SUPT3H: variants seen among roughly 807,000 people sequenced by gnomAD.
SUPT3H encodes transcription initiation protein SPT3 homolog.
A neutral mutation model predicts 44.3 loss-of-function variants in SUPT3H; 44 were observed. The observed-to-expected ratio is 0.99, with a 90% CI of 0.78 to 1.28. The LOEUF (loss-of-function observed/expected upper bound fraction) is 1.28. SUPT3H is among the 50% of genes most tolerant of loss of function. SUPT3H has a pLI of 0.00. For missense variants in SUPT3H, 380 were observed against 387.1 expected (o/e 0.98, Z 0.15); for synonymous variants, 124 against 125.6 (o/e 0.99, Z 0.09).
At chr6:44,859,917 TTAAA>T (rs201437235) in intron 10 of SUPT3H, among the ~76,000 whole-genome samples, 2,712 of 152,294 alleles carry the variant, frequency 0.018, 50 homozygotes, top group South Asian at 0.092. Flanking sequence ...TTAAAGGACT[TTAAA>T]TAGCACATTG....
rs545712092 is a variant in SUPT3H, at chr6:45,067,383, C to T, written c.186+38539G>A. Among the ~76,000 whole-genome samples, 96 of 123,262 alleles carry T rather than the reference C, an allele frequency of 7.8e-4. 6 individuals carry two copies. Among genetic ancestry groups the T allele is most frequent in the African/African-American group, 2.2e-3 (81 of 36,550 alleles). The allele number at this position is 123,262 out of a possible 152,430, so 80.9% of individuals were successfully genotyped here. On this transcript the variant is annotated intron_variant, in intron 3 of 10. Transcript: ENST00000371459. ...CCCTAGAAGAAAACCTAGGCATTAC[C>T]CTTCAGGACATAGGCATGGGCAAGG...
intron 6 of SUPT3H, among the ~76,000 whole-genome samples, chr6:44,974,224 T>C (rs1237675545): frequency 6.6e-6 from 1 of 152,032 alleles, no homozygotes. Flanking sequence ...TATTTGTGTA[T>C]ATATATATTC....
intron 11 of SUPT3H, among the ~76,000 whole-genome samples, chr6:44,816,095 A>G (rs1766890768): frequency 6.6e-6 from 1 of 152,178 alleles, no homozygotes; most frequent in African/African-American, 2.4e-5. Flanking sequence ...AAACATTTGG[A>G]AACGAATCAA....
At chr6:44,856,008 G>A (rs1773658025) in intron 10 of SUPT3H, among the ~76,000 whole-genome samples, 2 of 152,024 alleles carry the variant, frequency 1.3e-5, no homozygotes, top group Admixed American at 6.6e-5. Flanking sequence ...CAGGAAGTTC[G>A]GTCCTCTTTT....
chr6:45,173,968 A>G (rs1584013843), intron 2 of SUPT3H, among the ~76,000 whole-genome samples: 1 of 152,186 alleles, frequency 6.6e-6, no homozygotes, highest in Non-Finnish European at 1.5e-5. Flanking sequence ...CCTGCTGCCC[A>G]AAGAGTTACT....
chr6:44,823,791 G>A (rs951848878), downstream of SUPT3H, among the ~76,000 whole-genome samples: 4 of 151,978 alleles, frequency 2.6e-5, no homozygotes, highest in Non-Finnish European at 5.9e-5. Context: ...GTGAAACCCC[G>A]TCTCTACTAA....
intron 2 of SUPT3H, among the ~76,000 whole-genome samples, chr6:45,128,557 T>TATATATATATATATATATATAC (rs1280920129): frequency 1.8e-5 from 1 of 56,734 alleles, no homozygotes; most frequent in Non-Finnish European, 3.1e-5. Flanking sequence ...TATATATATA[T>TATATATATATATATATATATAC]ACACACACAC....
chr6:45,132,729 T>A (rs1803660932), intron 2 of SUPT3H, among the ~76,000 whole-genome samples: 1 of 152,168 alleles, frequency 6.6e-6, no homozygotes, highest in Non-Finnish European at 1.5e-5. Flanking sequence ...AGTGATTCTA[T>A]TCTTAAAAAA....
rs969869912 is a variant in SUPT3H, at chr6:44,847,958, CTTTTTTTTTTTT to C, written c.913-18113_913-18102del. On this transcript the variant is annotated intron_variant, in intron 10 of 10. Transcript: ENST00000371459. ...CTAGTGTTGACAGTTATCTCTGTGT[CTTTTTTTTTTTT>C]TTTTTTTTTTTTTTGAGATGGAGTC... Among the ~76,000 whole-genome samples the C allele has an allele frequency of 1.5e-4, 9 of 58,392 alleles. 2 individuals are homozygous for C. The highest frequency in any genetic ancestry group is 4.8e-4 in the African/African-American group (7 of 14,616). 38.3% of individuals were successfully genotyped at this position (58,392 alleles called of 152,430 possible). A position where few individuals can be genotyped will look rare whatever the true frequency, so the allele number is the denominator to read the frequency against.
intron 3 of SUPT3H, among the ~76,000 whole-genome samples, chr6:45,069,030 T>C (rs997138887): frequency 2.0e-5 from 3 of 151,876 alleles, no homozygotes; most frequent in African/African-American, 7.2e-5. Flanking sequence ...ACTGTATAGC[T>C]TCCACCTGTG....
intron 2 of SUPT3H, among the ~76,000 whole-genome samples, chr6:45,239,921 T>C (rs112424947): frequency 6.6e-6 from 1 of 152,194 alleles, no homozygotes; most frequent in East Asian, 1.9e-4. Flanking sequence ...CATTATTGAC[T>C]TCAAATTTTT....
At chr6:44,821,294 A>G (rs1221127216) in intron 11 of SUPT3H, among the ~76,000 whole-genome samples, 1 of 152,222 alleles carries the variant, frequency 6.6e-6, no homozygotes, top group Non-Finnish European at 1.5e-5. Flanking sequence ...AGACCCATTT[A>G]GCTTCCATTG....
intron 6 of SUPT3H, among the ~76,000 whole-genome samples, chr6:44,968,983 C>T (rs1777171934): frequency 2.6e-5 from 4 of 152,142 alleles, no homozygotes; most frequent in Admixed American, 2.6e-4. Context: ...TGCCACTCCC[C>T]CATTACTGTG....
At chr6:44,822,177 C>G (rs1767373324), downstream of SUPT3H, among the ~76,000 whole-genome samples, 1 of 152,160 alleles carries the variant, frequency 6.6e-6, no homozygotes, top group African/African-American at 2.4e-5. Flanking sequence ...CTCAGGCTCA[C>G]TGTTTGGGGC....
At chr6:45,026,985 CTTTTT>C (rs34588777) in intron 3 of SUPT3H, among the ~76,000 whole-genome samples, 233 of 87,512 alleles carry the variant, frequency 2.7e-3, no homozygotes, top group African/African-American at 0.01. Flanking sequence ...GCTTTGGATC[CTTTTT>C]TTTTTTTTTT....
intron 10 of SUPT3H, among the ~76,000 whole-genome samples, chr6:44,900,518 G>C (rs566634893): frequency 2.6e-5 from 4 of 152,320 alleles, no homozygotes; most frequent in African/African-American, 7.2e-5. Context: ...TAAACAAAGC[G>C]GCCAGGAAGC....
At chr6:45,165,439 C>T (rs1366569937) in intron 2 of SUPT3H, among the ~76,000 whole-genome samples, 4 of 152,136 alleles carry the variant, frequency 2.6e-5, no homozygotes, top group African/African-American at 9.7e-5. Context: ...CATTTAAAAG[C>T]ATTATCCAGC....
chr6:45,370,345 G>A (rs1795849937), intron 1 of SUPT3H, among the ~76,000 whole-genome samples: 1 of 152,198 alleles, frequency 6.6e-6, no homozygotes, highest in Non-Finnish European at 1.5e-5. Flanking sequence ...TTAGAAACTG[G>A]TTGAATGGTG....
chr6:45,251,395 G>GCACA (rs70996313), intron 2 of SUPT3H, among the ~76,000 whole-genome samples: 2,475 of 144,942 alleles, frequency 0.017, 39 homozygotes, highest in African/African-American at 0.033. Context: ...AAGAGAAGCT[G>GCACA]CACACACACA....
Sources: gnomAD v4.1 joint callset for allele counts (sites outside exome capture counted in the v4.1 genomes callset) on GRCh38, gnomAD v4.1.1 for gene constraint, MANE v1.5 for transcripts, NCBI Gene and HGNC (gene_info 2026-07-23, HGNC 2026-07-21) for gene names.